Variants in RPRD1A observed in about 807,000 individuals in gnomAD.
The protein encoded by RPRD1A is regulation of nuclear pre-mRNA domain-containing protein 1A.
Under a neutral mutation model 37.8 loss-of-function variants are expected in RPRD1A, and 9 were observed. The ratio of observed to expected loss-of-function variants is 0.24; its 90% CI spans 0.14 to 0.42. The LOEUF (loss-of-function observed/expected upper bound fraction) is 0.42, where lower values mean the gene tolerates loss of function less well. Among genes scored for constraint, RPRD1A ranks in the 10% least tolerant of loss-of-function variants. RPRD1A has a pLI of 1.00. For synonymous variants in RPRD1A, 138 were observed against 139.7 expected, an observed-to-expected ratio of 0.99 and a Z score of 0.08; for missense variants, 255 against 371.0, an observed-to-expected ratio of 0.69 and a Z score of 2.57.
intron 6 of RPRD1A, among the ~76,000 whole-genome samples, chr18:36,008,577 G>GTGTGTATGTATATATATATATATATA: frequency 2.5e-4 from 12 of 47,794 alleles, no homozygotes; most frequent in Non-Finnish European, 3.8e-4. Context: ...CCTTGTGTGT[G>GTGTGTATGTATATATATATATATATA]TATATATATA....
chr18:36,065,330 T>G (rs1337433814), intron 1 of RPRD1A, among the ~76,000 whole-genome samples: 2 of 147,638 alleles, frequency 1.4e-5, no homozygotes, highest in East Asian at 3.8e-4. Flanking sequence ...GCTCAAGATT[T>G]TGTTTGTTTT....
intron 6 of RPRD1A, among the ~76,000 whole-genome samples, chr18:36,001,818 T>C (rs892462696): frequency 1.3e-5 from 2 of 152,202 alleles, no homozygotes; most frequent in Non-Finnish European, 2.9e-5. Context: ...TTCTCGTCCT[T>C]GTTATTCGAC....
intron 1 of RPRD1A, among the ~76,000 whole-genome samples, chr18:36,051,203 T>C (rs1474630631): frequency 1.3e-5 from 2 of 152,208 alleles, no homozygotes; most frequent in African/African-American, 4.8e-5. Context: ...CCTATGCTTT[T>C]ATATCATCAA....
intron 6 of RPRD1A, among the ~76,000 whole-genome samples, chr18:36,012,724 A>C (rs1910256583): frequency 6.6e-6 from 1 of 152,250 alleles, no homozygotes; most frequent in Admixed American, 6.5e-5. Flanking sequence ...TCAGGCATTC[A>C]CTATGGGTCT....
At chr18:36,024,033 T>C (rs1396914660) in intron 6 of RPRD1A, among the ~76,000 whole-genome samples, 1 of 152,252 alleles carries the variant, frequency 6.6e-6, no homozygotes, top group Non-Finnish European at 1.5e-5. Flanking sequence ...AAAAACAGTT[T>C]ATGCAATACT....
chr18:36,046,860 A>T (rs1189098943), intron 1 of RPRD1A, among the ~76,000 whole-genome samples: 4 of 150,128 alleles, frequency 2.7e-5, no homozygotes, highest in Admixed American at 2.7e-4. Context: ...GTCTCATAAC[A>T]TAACCTCCCA....
In RPRD1A at chr18:36,030,881, C is replaced by T. The variant is rs1174471975; in HGVS notation, c.413G>A (p.Arg138Gln). 3 of 1,612,566 alleles carry T rather than the reference C, an allele frequency of 1.9e-6. No homozygotes were observed. Among genetic ancestry groups the T allele is most frequent in the African/African-American group, 1.3e-5 (1 of 74,934 alleles). ...ATCCACCTTTATCTGTTCATAAGTT[C>T]GCTTCCTAGGCTTCTTATCACCATC... ...ALYGDKKPRK[R>Q]TYEQIKVDEN... Residue 138 changes from arginine (R) to glutamine (Q), a missense_variant, in exon 4 of 7, where the codon CGA (arginine) becomes CAA (glutamine). Physicochemically the swap from Arg to Gln is conservative, Grantham distance 43. Transcript: ENST00000399022.
chr18:36,021,089 A>G (rs1910963261), intron 6 of RPRD1A, among the ~76,000 whole-genome samples: 1 of 152,232 alleles, frequency 6.6e-6, no homozygotes, highest in Non-Finnish European at 1.5e-5. Context: ...CAATATTTAG[A>G]CCTCAAAAAT....
intron 6 of RPRD1A, among the ~76,000 whole-genome samples, chr18:35,997,145 C>T (rs971430831): frequency 6.6e-6 from 1 of 151,954 alleles, no homozygotes; most frequent in African/African-American, 2.4e-5. Flanking sequence ...AGTACAAATT[C>T]CTATTTAGAA....
chr18:36,049,051 G>A (rs921622740), intron 1 of RPRD1A, among the ~76,000 whole-genome samples: 13 of 152,102 alleles, frequency 8.5e-5, no homozygotes, highest in South Asian at 4.1e-4. Flanking sequence ...ACAGGCATGC[G>A]CCACCACTGC....
chr18:36,038,163 A>C (rs1317388067), intron 1 of RPRD1A, among the ~76,000 whole-genome samples: 1 of 152,236 alleles, frequency 6.6e-6, no homozygotes, highest in African/African-American at 2.4e-5. Context: ...TCCTCAAGAC[A>C]ATGGGGAAAA....
chr18:36,040,105 T>C (rs1358369691), intron 1 of RPRD1A, among the ~76,000 whole-genome samples: 2 of 152,220 alleles, frequency 1.3e-5, no homozygotes, highest in East Asian at 1.9e-4. Context: ...ATCCTGCTTA[T>C]ATAGTATACA....
intron 6 of RPRD1A, among the ~76,000 whole-genome samples, chr18:35,995,460 G>C (rs2144137252): frequency 6.6e-6 from 1 of 151,926 alleles, no homozygotes; most frequent in Non-Finnish European, 1.5e-5. Flanking sequence ...TAGAGATGGG[G>C]TTTCTCCATA....
intron 1 of RPRD1A, among the ~76,000 whole-genome samples, chr18:36,066,532 G>A (rs2089034557): frequency 1.3e-5 from 2 of 152,188 alleles, no homozygotes; most frequent in Non-Finnish European, 2.9e-5. Flanking sequence ...CTGCATACAT[G>A]AACTGATTCT....
intron 6 of RPRD1A, among the ~76,000 whole-genome samples, chr18:36,007,448 A>G (rs1312582881): frequency 6.6e-6 from 1 of 152,210 alleles, no homozygotes; most frequent in Non-Finnish European, 1.5e-5. Context: ...GAATTTTCTG[A>G]TTCAGAATTG....
In RPRD1A at chr18:36,033,654, G is replaced by C. The variant is rs1414450311; in HGVS notation, c.281+54C>G. The C allele has an allele frequency of 7.5e-6, 11 of 1,464,694 alleles. No individual in the cohort carries two copies. The South Asian group carries it at 9.0e-5, about 12-fold the overall frequency. 90.7% of individuals were successfully genotyped at this position (1,464,694 alleles called of 1,614,324 possible). On this transcript the variant is annotated intron_variant, in intron 2 of 6. Coordinates refer to ENST00000399022, the MANE Select transcript of RPRD1A (RefSeq NM_018170.5). The stretch of plus-strand genomic sequence containing the variant: ...TAGTTTAAGGCAAATTTTAGCAAAA[G>C]GACATATGGTACATTTAAAACAGAT...
At chr18:36,021,582 G>C (rs891247710) in intron 6 of RPRD1A, among the ~76,000 whole-genome samples, 1 of 152,182 alleles carries the variant, frequency 6.6e-6, no homozygotes, top group East Asian at 1.9e-4. Context: ...TAAATCAAAA[G>C]CTAGAAGTGA....
Position 36,067,438 on chromosome 18 carries a change from G to A in RPRD1A, c.-34C>T. ...CACCACGTTCACGCCGTCCCACGCG[G>A]TGGGGCCGAGGGGAGGAGAGTTTCG... is the stretch of plus-strand genomic sequence containing the variant. On this transcript the variant is annotated 5_prime_UTR_variant, in exon 1 of 7. Coordinates refer to ENST00000399022, the MANE Select transcript of RPRD1A (RefSeq NM_018170.5). 1.3e-6 allele frequency: 2 copies of A among 1,588,472 alleles called. No homozygotes were observed. Among genetic ancestry groups the A allele is most frequent in the Non-Finnish European group, 1.7e-6 (2 of 1,166,756 alleles).
At chr18:36,043,845 T>G (rs1912769732) in intron 1 of RPRD1A, among the ~76,000 whole-genome samples, 1 of 152,138 alleles carries the variant, frequency 6.6e-6, no homozygotes, top group African/African-American at 2.4e-5. Context: ...CAGTTGACCC[T>G]TCAACAATTG....
Sources: allele counts gnomAD v4.1 joint callset (sites outside exome capture counted in the v4.1 genomes callset), GRCh38; gene constraint gnomAD v4.1.1; transcripts MANE v1.5; gene names NCBI Gene and HGNC (gene_info 2026-07-23, HGNC 2026-07-21).